The following CDH4 variants were observed in gnomAD, a reference collection of about 807,000 sequenced individuals.
CDH4 encodes cadherin 4.
CDH4 carries 33 observed loss-of-function variants against 86.0 expected under a neutral mutation model. The ratio of observed to expected loss-of-function variants is 0.38; its 90% CI spans 0.29 to 0.51. The LOEUF is 0.51. Ranked by LOEUF, CDH4 falls within the 20% of genes least tolerant of loss-of-function variation. CDH4 has a pLI of 0.86. For synonymous variants in CDH4, 555 were observed against 549.4 expected, an observed-to-expected ratio of 1.01 and a Z score of -0.14; for missense variants, 1,114 against 1,307.4, an observed-to-expected ratio of 0.85 and a Z score of 2.28.
chr20:61,830,537 G>A (rs1409366585), intron 4 of CDH4, among the ~76,000 whole-genome samples: 1 of 152,186 alleles, frequency 6.6e-6, no homozygotes, highest in Non-Finnish European at 1.5e-5. Flanking sequence ...GGTGAGGTGG[G>A]GCTGGGCTGA....
At chr20:61,711,734 C>G (rs2087895576) in intron 2 of CDH4, among the ~76,000 whole-genome samples, 1 of 152,146 alleles carries the variant, frequency 6.6e-6, no homozygotes, top group African/African-American at 2.4e-5. Context: ...TCTGCCTGCC[C>G]TGGGGGAAGT....
chr20:61,407,010 C>T (rs1342276704), intron 2 of CDH4, among the ~76,000 whole-genome samples: 1 of 147,682 alleles, frequency 6.8e-6, no homozygotes, highest in Non-Finnish European at 1.5e-5. Context: ...CTGCCCGGAC[C>T]ACCATCTGCT....
chr20:61,860,590 G>A (rs1013930539), intron 6 of CDH4, among the ~76,000 whole-genome samples: 1 of 152,112 alleles, frequency 6.6e-6, no homozygotes, highest in Non-Finnish European at 1.5e-5. Context: ...GCCCTGACAA[G>A]CAGAAACAGC....
chr20:61,283,410 A>G (rs1432609331), intron 2 of CDH4, among the ~76,000 whole-genome samples: 2 of 125,772 alleles, frequency 1.6e-5, no homozygotes, highest in African/African-American at 3.2e-5. Context: ...GGCGTGTGTG[A>G]TGTGTGTGCG....
intron 3 of CDH4, among the ~76,000 whole-genome samples, chr20:61,763,732 A>T (rs2088666234): frequency 6.6e-6 from 1 of 151,926 alleles, no homozygotes; most frequent in African/African-American, 2.4e-5. Context: ...GCCCTCCCCC[A>T]TGTGGCTTCA....
chr20:61,382,971 A>G (rs2084912895), intron 2 of CDH4, among the ~76,000 whole-genome samples: 1 of 150,610 alleles, frequency 6.6e-6, no homozygotes, highest in African/African-American at 2.4e-5. Flanking sequence ...CAATCGGTAC[A>G]CAGACAAAAA....
chr20:61,854,371 C>T (rs536381607), intron 6 of CDH4, among the ~76,000 whole-genome samples: 27 of 152,288 alleles, frequency 1.8e-4, no homozygotes, highest in East Asian at 7.7e-4. Context: ...ACCCTCGGTC[C>T]GCCCCCAGGG....
intron 2 of CDH4, among the ~76,000 whole-genome samples, chr20:61,453,424 G>A (rs918135620): frequency 6.6e-6 from 1 of 152,152 alleles, no homozygotes; most frequent in African/African-American, 2.4e-5. Flanking sequence ...AGGTCCTCCA[G>A]GAAGTGACGG....
intron 2 of CDH4, among the ~76,000 whole-genome samples, chr20:61,619,927 A>G (rs1341166772): frequency 6.6e-6 from 1 of 152,202 alleles, no homozygotes; most frequent in South Asian, 2.1e-4. Flanking sequence ...ATCCGAGCCA[A>G]GCACAGCTGC....
chr20:61,621,921 A>G (rs1328259681), intron 2 of CDH4, among the ~76,000 whole-genome samples: 1 of 152,238 alleles, frequency 6.6e-6, no homozygotes, highest in East Asian at 1.9e-4. Context: ...TGAAGTGCAT[A>G]AACTATAATT....
chr20:61,471,091 A>G (rs1319764507), intron 2 of CDH4, among the ~76,000 whole-genome samples: 3 of 151,950 alleles, frequency 2.0e-5, no homozygotes, highest in Admixed American at 2.0e-4. Context: ...TCTATTTTTC[A>G]GAATCTTTTA....
chr20:61,286,926 C>T (rs545030935), intron 2 of CDH4, among the ~76,000 whole-genome samples: 7 of 152,170 alleles, frequency 4.6e-5, no homozygotes, highest in Non-Finnish European at 1.0e-4. Context: ...TCCAGAGAAG[C>T]CGATTGTCTT....
Position 61,582,941 on chromosome 20 carries a change from ATGGCCCCCG to A in CDH4, c.170-160621_170-160613del, listed in dbSNP as rs1276729978. Reference sequence around the variant, plus strand: ...TTGGCTGTCCGCCTTCTGCGCCCCCATGGCCCCCGGCCCTAGGCAGCCACTAATCTACTT... The same window carrying A: ...TTGGCTGTCCGCCTTCTGCGCCCCCAGCCCTAGGCAGCCACTAATCTACTT... On this transcript the variant is annotated intron_variant, in intron 2 of 15. Transcript: ENST00000614565. This position sits in a 1 kb window ranked among gnomAD's most constrained non-coding sequence, Gnocchi z 4.2. Among the ~76,000 whole-genome samples, 1 of 151,438 alleles carries A rather than the reference ATGGCCCCCG, an allele frequency of 6.6e-6. No individual in the cohort carries two copies. The highest frequency in any genetic ancestry group is 1.5e-5 in the Non-Finnish European group (1 of 67,872).
At chr20:61,864,916 A>AC (rs1033059257) in intron 6 of CDH4, among the ~76,000 whole-genome samples, 72 of 151,254 alleles carry the variant, frequency 4.8e-4, no homozygotes, top group African/African-American at 1.6e-3. Flanking sequence ...CTGCCCTGTC[A>AC]CCCCCCCGGG....
chr20:61,748,088 G>C (rs2386940), intron 3 of CDH4, among the ~76,000 whole-genome samples: 195 of 152,244 alleles, frequency 1.3e-3, no homozygotes, highest in Non-Finnish European at 1.9e-3. Flanking sequence ...GAGCTGGGGC[G>C]TTGTGGGGGG....
chr20:61,841,264 C>A (rs954888367), intron 4 of CDH4, among the ~76,000 whole-genome samples: 6 of 152,218 alleles, frequency 3.9e-5, no homozygotes, highest in South Asian at 2.1e-4. Context: ...AGAAGCGCAG[C>A]GCTCCCGGAC....
At chr20:61,714,783 G>A (rs549220146) in intron 2 of CDH4, among the ~76,000 whole-genome samples, 3 of 152,272 alleles carry the variant, frequency 2.0e-5, no homozygotes, top group African/African-American at 7.2e-5. Flanking sequence ...ACATATATAT[G>A]CTACATTTTC....
chr20:61,634,242 T>C (rs2427209), intron 2 of CDH4, among the ~76,000 whole-genome samples: 135,697 of 152,254 alleles, frequency 0.89, 60,546 homozygotes, highest in African/African-American at 0.92. Context: ...CTTCACCCTG[T>C]ATACCCCTCC....
At chr20:61,919,901 T>TGGTATCGTGATTATGTGGAAGCAA (rs2054948998) in intron 9 of CDH4, among the ~76,000 whole-genome samples, 1 of 149,404 alleles carries the variant, frequency 6.7e-6, no homozygotes, top group South Asian at 2.1e-4. Flanking sequence ...TGTGGAAGCA[T>TGGTATCGTGATTATGTGGAAGCAA]GGTATCGTGA....
Sources: allele counts gnomAD v4.1 joint callset (sites outside exome capture counted in the v4.1 genomes callset), GRCh38; gene constraint gnomAD v4.1.1; non-coding constraint Gnocchi (gnomAD v3.1); transcripts MANE v1.5; gene names NCBI Gene and HGNC (gene_info 2026-07-23, HGNC 2026-07-21).